Variants in ZNF175 observed in about 807,000 individuals in gnomAD.
ZNF175 encodes the protein zinc finger protein OTK18.
A neutral mutation model predicts 14.0 loss-of-function variants in ZNF175; 8 were observed. The ratio of observed to expected loss-of-function variants is 0.57; its 90% CI spans 0.34 to 1.03. The LOEUF is 1.03. Ranked by LOEUF, ZNF175 falls within the 50% of genes least tolerant of loss-of-function variation. The pLI is 0.03. For synonymous variants in ZNF175, 255 were observed against 296.8 expected (o/e 0.86, Z 1.45); for missense variants, 764 against 849.5 (o/e 0.90, Z 1.25).
chr19:51,587,631 C>T lies in ZNF175; in HGVS notation c.1300C>T (p.Leu434Phe). 6.2e-7 allele frequency: 1 copy of T among 1,613,618 alleles called. No homozygotes were observed. The highest frequency in any genetic ancestry group is 8.5e-7 in the Non-Finnish European group (1 of 1,179,868). Residue 434 changes from leucine (L) to phenylalanine (F), a missense_variant, in exon 5 of 5, where the codon CTC becomes TTC. By Grantham distance (22) the Leu-to-Phe change is conservative (BLOSUM62 0). Transcript: ENST00000262259. ...GAAAGCCTTTACCCAGAAGTCAACACTCAGCTTGCACCAGAGAATCCACTC... is the reference window on the plus strand; with the variant it reads ...GAAAGCCTTTACCCAGAAGTCAACATTCAGCTTGCACCAGAGAATCCACTC... ...CGKAFTQKST[L>F]SLHQRIHSGQ...
Position 51,586,751 on chromosome 19 carries a change from G to T in ZNF175, c.420G>T (p.Leu140=), listed in dbSNP as rs144061374. The T allele has an allele frequency of 1.2e-6, 2 of 1,614,080 alleles. No homozygotes were observed. Among genetic ancestry groups the T allele is most frequent in the African/African-American group, 2.7e-5 (2 of 74,926 alleles). The change falls in exon 5 of 5, where the codon CTG becomes CTT. Residue 140 remains leucine, a synonymous_variant. Transcript: ENST00000262259. ...SWCSILEELR[L]DADRTKKDEQ... is the part of the protein sequence containing the mutation. ...GTTCCATTTTAGAAGAACTGAGGCT[G>T]GATGCTGACCGCACAAAGAAAGATG...
At chr19:51,584,876 T>C (rs1347812331) in intron 4 of ZNF175, among the ~76,000 whole-genome samples, 1 of 152,192 alleles carries the variant, frequency 6.6e-6, no homozygotes, top group African/African-American at 2.4e-5. Flanking sequence ...CCTTGTGTAT[T>C]ACTAGTGGGA....
At chr19:51,584,155 G>C (rs912140120) in intron 4 of ZNF175, among the ~76,000 whole-genome samples, 1 of 152,146 alleles carries the variant, frequency 6.6e-6, no homozygotes, top group African/African-American at 2.4e-5. Flanking sequence ...TTCATGGAAG[G>C]CTACTCAAAA....
chr19:51,578,261 A>G (rs1981875770), intron 2 of ZNF175, among the ~76,000 whole-genome samples: 1 of 151,864 alleles, frequency 6.6e-6, no homozygotes, highest in Non-Finnish European at 1.5e-5. Context: ...TTAGCCAGGC[A>G]TGGTGGCGGG....
At position 51,588,226 on chromosome 19, in the gene ZNF175, C is replaced by T; in HGVS notation, c.1895C>T (p.Thr632Ile). Residue 632 changes from threonine (T) to isoleucine (I), a missense_variant, in exon 5 of 5, where the codon ACC becomes ATC. Coordinates refer to ENST00000262259, the MANE Select transcript of ZNF175 (RefSeq NM_007147.4). ...TTTGTCCAGAAATCAGAGTTGATTA[C>T]CCATCAAAGAACTCACATGGGAGAG... Reference protein sequence around the residue: ...KAFVQKSELITHQRTHMGEKP... With the variant: ...KAFVQKSELIIHQRTHMGEKP... The T allele has an allele frequency of 6.2e-7, 1 of 1,613,908 alleles. No homozygotes were observed. Among genetic ancestry groups the T allele is most frequent in the South Asian group, 1.1e-5 (1 of 91,064 alleles).
intron 2 of ZNF175, among the ~76,000 whole-genome samples, chr19:51,577,456 A>G (rs759277828): frequency 3.7e-5 from 5 of 133,480 alleles, no homozygotes; most frequent in African/African-American, 5.8e-5. Flanking sequence ...CCCTCCGATA[A>G]TCATTACTGC....
At position 51,586,907 on chromosome 19, in the gene ZNF175, G is replaced by C; in HGVS notation, c.576G>C (p.Gln192His). 1.2e-6 allele frequency: 2 copies of C among 1,614,162 alleles called. No individual in the cohort carries two copies. The highest frequency in any genetic ancestry group is 1.7e-6 in the Non-Finnish European group (2 of 1,180,024). Residue 192 changes from glutamine to histidine, a missense_variant, in exon 5 of 5, where the codon CAG becomes CAC. Physicochemically the swap from Gln to His is conservative, Grantham distance 24. Coordinates refer to ENST00000262259, the MANE Select transcript of ZNF175 (RefSeq NM_007147.4). ...IRTRPHLASS[Q>H]KQPQKCCLFT... ...CGAGGCCCCACCTTGCTTCTTCACA[G>C]AAACAACCTCAGAAATGTTGCTTAT...
intron 4 of ZNF175, 125 bp downstream of exon 4, chr19:51,582,007 C>T: frequency 3.6e-6 from 3 of 825,122 alleles, no homozygotes; most frequent in Non-Finnish European, 3.9e-6. Flanking sequence ...CTCCCAGTTT[C>T]CCATCAAACA....
intron 2 of ZNF175, 145 bp downstream of exon 2, chr19:51,573,546 G>A (rs1002476272): frequency 1.4e-6 from 1 of 707,742 alleles, no homozygotes; most frequent in Non-Finnish European, 2.4e-6. Context: ...ACATTCATAG[G>A]CTATCTGTGT....
Position 51,573,368 on chromosome 19 carries a change from C to G in ZNF175, c.39C>G (p.Val13=), listed in dbSNP as rs1315065324. The change falls in exon 2 of 5, where the codon GTC becomes GTG. Residue 13 remains valine, a synonymous_variant. Transcript: ENST00000262259. Reference sequence around the variant, plus strand: ...TGAATTTATCCCAGAAGCCTCAGGTCCTGGGTCCAGAGAAGCAGGATGGAT... The same window carrying G: ...TGAATTTATCCCAGAAGCCTCAGGTGCTGGGTCCAGAGAAGCAGGATGGAT... ...ADVNLSQKPQ[V]LGPEKQDGSC... 1 of 1,612,080 alleles carries G rather than the reference C, an allele frequency of 6.2e-7. No individual in the cohort carries two copies. Among genetic ancestry groups the G allele is most frequent in the East Asian group, 2.2e-5 (1 of 44,642 alleles).
At chr19:51,585,820 C>T (rs1982148520) in intron 4 of ZNF175, among the ~76,000 whole-genome samples, 1 of 152,042 alleles carries the variant, frequency 6.6e-6, no homozygotes. Context: ...GCCAAAAGTT[C>T]TAACAAAGAA....
intron 2 of ZNF175, among the ~76,000 whole-genome samples, chr19:51,579,962 T>C (rs1019751713): frequency 1.3e-5 from 2 of 152,114 alleles, no homozygotes; most frequent in African/African-American, 4.8e-5. Flanking sequence ...TTTTAAAATA[T>C]TGAATATAGA....
At chr19:51,573,447 A>G (rs751734395) in intron 2 of ZNF175, 46 bp downstream of exon 2, 7 of 1,598,144 alleles carry the variant, frequency 4.4e-6, no homozygotes, top group Admixed American at 1.7e-5. Context: ...ACGTGAGGGC[A>G]GACACAGGAT....
At chr19:51,580,709 A>G (rs1195360004) in intron 2 of ZNF175, among the ~76,000 whole-genome samples, 1 of 152,220 alleles carries the variant, frequency 6.6e-6, no homozygotes, top group Non-Finnish European at 1.5e-5. Flanking sequence ...CCTTCCAAAC[A>G]TGACATAGTC....
chr19:51,587,184 G>C lies in ZNF175; in HGVS notation c.853G>C (p.Gly285Arg). 6.2e-7 allele frequency: 1 copy of C among 1,614,134 alleles called. No homozygotes were observed. Among genetic ancestry groups the C allele is most frequent in the Non-Finnish European group, 8.5e-7 (1 of 1,179,998 alleles). ...GAAACCAGATGGATGTTCTGAATGT[G>C]GGGGGAGCTTCACCCAGAAGTCACA... ...QKKPDGCSEC[G>R]GSFTQKSHLF... is the part of the protein sequence containing the mutation. The change falls in exon 5 of 5, where the codon GGG becomes CGG. Residue 285 changes from glycine (G) to arginine (R), a missense_variant. By Grantham distance (125) the Gly-to-Arg change is moderately radical. Coordinates refer to ENST00000262259, the MANE Select transcript of ZNF175 (RefSeq NM_007147.4).
chr19:51,578,428 G>A (rs1981884089), intron 2 of ZNF175, among the ~76,000 whole-genome samples: 1 of 151,768 alleles, frequency 6.6e-6, no homozygotes, highest in African/African-American at 2.4e-5. Flanking sequence ...CCCCAGAATG[G>A]GAAAAGATTC....
chr19:51,587,074 G>A lies in ZNF175; in HGVS notation c.743G>A (p.Gly248Glu), dbSNP rs1238853980. The change falls in exon 5 of 5, where the codon GGA becomes GAA. Residue 248 changes from glycine (G) to glutamate (E), a missense_variant. By Grantham distance (98) the Gly-to-Glu change is moderately conservative. Coordinates refer to ENST00000262259, the MANE Select transcript of ZNF175 (RefSeq NM_007147.4). Reference protein sequence around the residue: ...SDACSKNIHTGETFCKGNQCR... With the variant: ...SDACSKNIHTEETFCKGNQCR... The stretch of plus-strand genomic sequence containing the variant: ...GCCTGCAGCAAGAATATTCATACAG[G>A]AGAGACATTTTGCAAAGGTAACCAG... 21 of 1,614,038 alleles carry A rather than the reference G, an allele frequency of 1.3e-5. No individual in the cohort carries two copies. Among genetic ancestry groups the A allele is most frequent in the Middle Eastern group, 1.6e-4 (1 of 6,084 alleles).
In ZNF175 at chr19:51,587,184, G is replaced by T. The variant is rs138396190; in HGVS notation, c.853G>T (p.Gly285Trp). ...GAAACCAGATGGATGTTCTGAATGT[G>T]GGGGGAGCTTCACCCAGAAGTCACA... ...QKKPDGCSEC[G>W]GSFTQKSHLF... Residue 285 changes from glycine to tryptophan, a missense_variant, in exon 5 of 5, where the codon GGG (glycine) becomes TGG (tryptophan). Transcript: ENST00000262259. 52 of 1,614,134 alleles carry T rather than the reference G, an allele frequency of 3.2e-5. No homozygotes were observed. In the African/African-American group the frequency reaches 4.4e-4, roughly 14 times the overall value.
intron 4 of ZNF175, among the ~76,000 whole-genome samples, chr19:51,582,440 G>A (rs922933982): frequency 1.3e-5 from 2 of 152,080 alleles, no homozygotes; most frequent in Non-Finnish European, 2.9e-5. Context: ...TGGGACTACA[G>A]GCACCCGCCA....
Sources: allele counts gnomAD v4.1 joint callset (sites outside exome capture counted in the v4.1 genomes callset), GRCh38; gene constraint gnomAD v4.1.1; transcripts MANE v1.5; gene names NCBI Gene and HGNC (gene_info 2026-07-23, HGNC 2026-07-21).